The following CLASP2 variants were observed in gnomAD, a reference collection of about 807,000 sequenced individuals.
CLASP2 encodes cytoplasmic linker associated protein 2.
Under a neutral mutation model 194.4 loss-of-function variants are expected in CLASP2, and 47 were observed. That is an observed-to-expected ratio of 0.24 (90% CI 0.19 to 0.31). The LOEUF (loss-of-function observed/expected upper bound fraction) is 0.31. CLASP2 is among the 10% of genes least tolerant of loss of function. The pLI, the probability that CLASP2 is intolerant of heterozygous loss-of-function variation, is 1.00. For synonymous variants in CLASP2, 619 were observed against 633.5 expected, an observed-to-expected ratio of 0.98 and a Z score of 0.34; for missense variants, 1,445 against 1,823.6, an observed-to-expected ratio of 0.79 and a Z score of 3.78.
chr3:33,659,082 G>A, intron 7 of CLASP2: 1 of 1,516,452 alleles, frequency 6.6e-7, no homozygotes, highest in Non-Finnish European at 8.8e-7. Flanking sequence ...TCGGCCTGCA[G>A]CCTGCAGACA....
intron 14 of CLASP2, 22 bp downstream of exon 14, chr3:33,608,545 G>A: frequency 1.3e-6 from 2 of 1,588,286 alleles, no homozygotes; most frequent in East Asian, 2.2e-5. Flanking sequence ...GAAAGTGGGA[G>A]GAAGGAAGAG....
At position 33,672,094 on chromosome 3, in the gene CLASP2, T is replaced by C. The variant is rs575464672; in HGVS notation, c.645-8579A>G. Reference sequence around the variant, plus strand: ...CTGACAGCTTTGAAGAGAGCAGTGGTTCTCCCAGCAGGCAGCTGGAGATCT... The same window carrying C: ...CTGACAGCTTTGAAGAGAGCAGTGGCTCTCCCAGCAGGCAGCTGGAGATCT... On this transcript the variant is annotated intron_variant, in intron 6 of 38. Transcript: ENST00000682230. Among the ~76,000 whole-genome samples the C allele has an allele frequency of 1.1e-3, 173 of 152,324 alleles. 2 individuals carry two copies. Among genetic ancestry groups the C allele is most frequent in the Non-Finnish European group, 2.9e-4 (20 of 68,026 alleles).
At chr3:33,625,244 G>C (rs1189148782) in intron 10 of CLASP2, among the ~76,000 whole-genome samples, 1 of 151,570 alleles carries the variant, frequency 6.6e-6, no homozygotes, top group East Asian at 1.9e-4. Flanking sequence ...TAATGTAAAT[G>C]ACAAGTAATG....
chr3:33,616,070 A>T (rs1328226519), intron 12 of CLASP2, among the ~76,000 whole-genome samples: 1 of 152,070 alleles, frequency 6.6e-6, no homozygotes, highest in African/African-American at 2.4e-5. Context: ...GAATTAGAAA[A>T]ATTAAATAAT....
intron 2 of CLASP2, among the ~76,000 whole-genome samples, chr3:33,695,220 ATT>A (rs762657276): frequency 3.9e-5 from 4 of 103,806 alleles, no homozygotes; most frequent in Admixed American, 2.5e-4. Flanking sequence ...AAGCCTGCTA[ATT>A]TTTTTTTTTT....
chr3:33,577,360 G>T (rs2065122818), intron 23 of CLASP2: 1 of 937,004 alleles, frequency 1.1e-6, no homozygotes, highest in Non-Finnish European at 1.7e-6. Flanking sequence ...GTTAACACTG[G>T]TGTTATTCTT....
intron 37 of CLASP2, chr3:33,503,090 C>G (rs2047199672): frequency 6.6e-6 from 1 of 152,226 alleles, no homozygotes; most frequent in East Asian, 1.9e-4. Flanking sequence ...GTGACAAGAA[C>G]AGGCCAGGTA....
intron 32 of CLASP2, among the ~76,000 whole-genome samples, chr3:33,543,176 C>T (rs372668651): frequency 2.8e-4 from 42 of 152,088 alleles, no homozygotes; most frequent in African/African-American, 8.2e-4. Context: ...AGTTTGTGAC[C>T]GGCCTGGCCA....
intron 5 of CLASP2, among the ~76,000 whole-genome samples, chr3:33,686,370 G>A (rs1281363298): frequency 1.3e-5 from 2 of 152,132 alleles, no homozygotes; most frequent in South Asian, 4.1e-4. Flanking sequence ...TGAGCAGCAG[G>A]GAAGCAAGCT....
At chr3:33,660,355 T>C (rs969469213) in intron 7 of CLASP2, among the ~76,000 whole-genome samples, 4 of 152,200 alleles carry the variant, frequency 2.6e-5, no homozygotes, top group African/African-American at 9.7e-5. Context: ...CTAATTCTAC[T>C]GCATTTAGGG....
intron 7 of CLASP2, among the ~76,000 whole-genome samples, chr3:33,657,588 G>GT (rs1177742069): frequency 9.6e-4 from 138 of 143,990 alleles, no homozygotes; most frequent in South Asian, 2.2e-3. Flanking sequence ...ATTAGGTTTG[G>GT]TTTTTTTTTT....
At chr3:33,614,028 A>G (rs920267190) in intron 12 of CLASP2, among the ~76,000 whole-genome samples, 12 of 152,232 alleles carry the variant, frequency 7.9e-5, no homozygotes, top group African/African-American at 2.7e-4. Context: ...ATATAAGTTG[A>G]CAACAGGGGA....
intron 14 of CLASP2, among the ~76,000 whole-genome samples, chr3:33,608,068 A>G (rs2074278180): frequency 6.6e-6 from 1 of 152,328 alleles, no homozygotes; most frequent in East Asian, 1.9e-4. Context: ...ATAGCCAGTC[A>G]CCAATCAGCT....
At chr3:33,577,147 AG>A in intron 23 of CLASP2, 6 of 1,236,608 alleles carry the variant, frequency 4.9e-6, no homozygotes, top group Non-Finnish European at 6.9e-6. Context: ...GAAACTGAAA[AG>A]GATAAAATCT....
chr3:33,700,533 A>T (rs1395371030), intron 1 of CLASP2, among the ~76,000 whole-genome samples: 2 of 152,102 alleles, frequency 1.3e-5, no homozygotes, highest in African/African-American at 4.8e-5. Flanking sequence ...AAGTCATGAG[A>T]TAAAAGGTCA....
intron 1 of CLASP2, among the ~76,000 whole-genome samples, chr3:33,709,153 T>G (rs890371677): frequency 6.6e-6 from 1 of 152,234 alleles, no homozygotes; most frequent in Admixed American, 6.5e-5. Context: ...TGTATTTTCA[T>G]GTCAAATCCA....
chr3:33,612,433 A>C (rs902307720), intron 12 of CLASP2, among the ~76,000 whole-genome samples: 2 of 152,146 alleles, frequency 1.3e-5, no homozygotes, highest in African/African-American at 4.8e-5. Context: ...AAAAAATCAT[A>C]ATTGCCATGT....
intron 33 of CLASP2, among the ~76,000 whole-genome samples, chr3:33,536,414 C>T (rs1209985573): frequency 3.3e-5 from 5 of 152,152 alleles, no homozygotes; most frequent in African/African-American, 1.2e-4. Context: ...GTAAGGGAAT[C>T]AGCCAAGGGG....
chr3:33,611,096 G>A (rs1451987406), intron 13 of CLASP2, among the ~76,000 whole-genome samples: 1 of 152,122 alleles, frequency 6.6e-6, no homozygotes, highest in African/African-American at 2.4e-5. Flanking sequence ...AGGCCATTAA[G>A]GGAGAGTTCT....
Sources: gnomAD v4.1 joint callset for allele counts (sites outside exome capture counted in the v4.1 genomes callset) on GRCh38, gnomAD v4.1.1 for gene constraint, MANE v1.5 for transcripts, NCBI Gene and HGNC (gene_info 2026-07-23, HGNC 2026-07-21) for gene names.